The following B4GALNT4 variants were observed in gnomAD, a reference collection of about 807,000 sequenced individuals.
The protein encoded by B4GALNT4 is beta-1,4-N-acetyl-galactosaminyltransferase 4, also known as N-acetyl-beta-glucosaminyl-glycoprotein 4-beta-N-acetylgalactosaminyltransferase 1.
Under a neutral mutation model 110.0 loss-of-function variants are expected in B4GALNT4, and 77 were observed. That is an observed-to-expected ratio of 0.70 (90% CI 0.58 to 0.85). B4GALNT4 has a LOEUF of 0.85. Among genes scored for constraint, B4GALNT4 ranks in the 40% least tolerant of loss-of-function variants. The pLI, the probability that B4GALNT4 is intolerant of heterozygous loss-of-function variation, is 0.00. For synonymous variants in B4GALNT4, 785 were observed against 655.5 expected, an observed-to-expected ratio of 1.20 and a Z score of -3.02; for missense variants, 1,575 against 1,506.0, an observed-to-expected ratio of 1.05 and a Z score of -0.76.
Position 369,690 on chromosome 11 carries a change from G to C in B4GALNT4, c.-114G>C. ...GCACGGCGGACAAAGGACCATGCGG[G>C]GCCGCGGGCGCTGAGCGCGGCGGGG... On this transcript the variant is annotated 5_prime_UTR_variant, in exon 1 of 20. Coordinates refer to ENST00000329962, the MANE Select transcript of B4GALNT4 (RefSeq NM_178537.5). The C allele has an allele frequency of 2.1e-6, 1 of 478,380 alleles. No individual in the cohort carries two copies. The allele number at this position is 478,380 out of a possible 1,614,324, so 29.6% of individuals were successfully genotyped here. A position where few individuals can be genotyped will look rare whatever the true frequency, so the allele number is the denominator to read the frequency against.
chr11:372,752 G>A lies in B4GALNT4; in HGVS notation c.346G>A (p.Glu116Lys), dbSNP rs1182527987. 2 of 1,608,798 alleles carry A rather than the reference G, an allele frequency of 1.2e-6. No homozygotes were observed. Among genetic ancestry groups the A allele is most frequent in the Non-Finnish European group, 1.7e-6 (2 of 1,178,842 alleles). The change falls in exon 3 of 20, where the codon GAG (glutamate) becomes AAG (lysine). Residue 116 changes from glutamate to lysine, a missense_variant and splice_region_variant. By Grantham distance (56) the Glu-to-Lys change is moderately conservative. Coordinates refer to ENST00000329962, the MANE Select transcript of B4GALNT4 (RefSeq NM_178537.5). ...FTHQTPPWRE[E>K]YKGQVNLHVF... Reference sequence around the variant, plus strand: ...CCATCAGACACCCCCATGGCGGGAGGAGGTGAGCTGGCTCGGCCTGTAATG... The same window carrying A: ...CCATCAGACACCCCCATGGCGGGAGAAGGTGAGCTGGCTCGGCCTGTAATG...
chr11:378,100 G>A (rs1203004030), intron 14 of B4GALNT4, among the ~76,000 whole-genome samples: 1 of 152,094 alleles, frequency 6.6e-6, no homozygotes, highest in African/African-American at 2.4e-5. Flanking sequence ...AGGGGCAGAG[G>A]ATGGAGACAG....
At chr11:370,181 C>T (rs1254971920) in intron 1 of B4GALNT4, among the ~76,000 whole-genome samples, 1 of 151,846 alleles carries the variant, frequency 6.6e-6, no homozygotes, top group South Asian at 2.1e-4. Context: ...CGGCTCGGCC[C>T]GGACGCTCGA....
rs1272375784 is a variant in B4GALNT4, at chr11:372,783, G to C, written c.348+29G>C. On this transcript the variant is annotated intron_variant, in intron 3 of 19. Transcript: ENST00000329962. ...AGCTGGCTCGGCCTGTAATGGGCTG[G>C]GAGGCAGGGCGGGGGCTGGGGCGGG... 2.6e-6 allele frequency: 4 copies of C among 1,565,264 alleles called. No individual in the cohort carries two copies. In the African/African-American group the frequency reaches 5.4e-5, roughly 21 times the overall value.
At position 377,385 on chromosome 11, in the gene B4GALNT4, G is replaced by A; in HGVS notation, c.2204+58G>A. The A allele has an allele frequency of 2.1e-6, 3 of 1,433,960 alleles. 1 individual carries two copies. In the South Asian group the frequency reaches 4.4e-5, roughly 21 times the overall value. 88.8% of individuals were successfully genotyped at this position (1,433,960 alleles called of 1,614,324 possible). ...TTTTGGAGGCGGGGACAGCCGGGGA[G>A]AGGAGGTCCTGGCCTTGGCGGACTC... On this transcript the variant is annotated intron_variant, in intron 14 of 19. Transcript: ENST00000329962.
At position 376,512 on chromosome 11, in the gene B4GALNT4, C is replaced by A. The variant is rs779049233; in HGVS notation, c.1389C>A (p.Ala463=). The A allele has an allele frequency of 6.7e-7, 1 of 1,500,108 alleles. No homozygotes were observed. The highest frequency in any genetic ancestry group is 8.8e-7 in the Non-Finnish European group (1 of 1,130,894). 92.9% of individuals were successfully genotyped at this position (1,500,108 alleles called of 1,614,324 possible). The part of the protein sequence containing the change: ...APPRSGPQSP[A]PAAPAQPGAT... The stretch of plus-strand genomic sequence containing the variant: ...CCAGGAGCGGCCCCCAGTCCCCCGC[C>A]CCAGCAGCCCCCGCCCAGCCCGGAG... Residue 463 remains alanine, a synonymous_variant, in exon 14 of 20, where the codon GCC becomes GCA. Coordinates refer to ENST00000329962, the MANE Select transcript of B4GALNT4 (RefSeq NM_178537.5).
Position 371,984 on chromosome 11 carries a change from G to C in B4GALNT4, c.152-125G>C, listed in dbSNP as rs558896623. On this transcript the variant is annotated intron_variant, in intron 1 of 19. Transcript: ENST00000329962. ...AGATGAGAAGGAGAGGCTTTAGTGA[G>C]AGACACCACAGCCTGCCTGCCCTGC... The C allele has an allele frequency of 4.3e-6, 3 of 701,308 alleles. No homozygotes were observed. In the South Asian group the frequency reaches 5.2e-5, roughly 12 times the overall value. The allele number at this position is 701,308 out of a possible 1,614,324, so 43.4% of individuals were successfully genotyped here. A position where few individuals can be genotyped will look rare whatever the true frequency, so the allele number is the denominator to read the frequency against.
In B4GALNT4 at chr11:377,193, C is replaced by T. The variant is rs766399071; in HGVS notation, c.2070C>T (p.Ala690=). Reference sequence around the variant, plus strand: ...GGCAGCGCACGTTCAGCGTGGGCGCCGTGGACTTCGAGCTGCTGCGCTCGG... The same window carrying T: ...GGCAGCGCACGTTCAGCGTGGGCGCTGTGGACTTCGAGCTGCTGCGCTCGG... ...IDWQRTFSVG[A]VDFELLRSDW... is the part of the protein sequence containing the mutation. Residue 690 remains alanine (A), a synonymous_variant, in exon 14 of 20, where the codon GCC becomes GCT. Coordinates refer to ENST00000329962, the MANE Select transcript of B4GALNT4 (RefSeq NM_178537.5). The T allele has an allele frequency of 3.0e-5, 47 of 1,587,866 alleles. No individual in the cohort carries two copies. The East Asian group carries it at 9.2e-4, about 31-fold the overall frequency.
intron 19 of B4GALNT4, 198 bp downstream of exon 19, chr11:381,149 G>C (rs1267597810): frequency 1.0e-6 from 1 of 984,984 alleles, no homozygotes; most frequent in Non-Finnish European, 1.2e-6. Context: ...CACCCCCAGG[G>C]TCCTGCAAGG....
Position 376,972 on chromosome 11 carries a change from A to G in B4GALNT4, c.1849A>G (p.Asn617Asp). Reference sequence around the variant, plus strand: ...ACCTGCGGCGCCCACAGTGGACTCAAACTTGTCCTCCGAAGCGCGGCCCGT... The same window carrying G: ...ACCTGCGGCGCCCACAGTGGACTCAGACTTGTCCTCCGAAGCGCGGCCCGT... ...LGPAAPTVDS[N>D]LSSEARPVTS... The change falls in exon 14 of 20, where the codon AAC (asparagine) becomes GAC (aspartate). Residue 617 changes from asparagine to aspartate, a missense_variant. Coordinates refer to ENST00000329962, the MANE Select transcript of B4GALNT4 (RefSeq NM_178537.5). The G allele has an allele frequency of 6.9e-7, 1 of 1,458,388 alleles. No individual in the cohort carries two copies. The highest frequency in any genetic ancestry group is 9.0e-7 in the Non-Finnish European group (1 of 1,110,868). 90.3% of individuals were successfully genotyped at this position (1,458,388 alleles called of 1,614,324 possible).
Position 381,924 on chromosome 11 carries a change from C to A in B4GALNT4, c.*132C>A. 1 of 1,133,214 alleles carries A rather than the reference C, an allele frequency of 8.8e-7. No homozygotes were observed. Among genetic ancestry groups the A allele is most frequent in the Non-Finnish European group, 1.2e-6 (1 of 858,502 alleles). The allele number at this position is 1,133,214 out of a possible 1,614,324, so 70.2% of individuals were successfully genotyped here. On this transcript the variant is annotated 3_prime_UTR_variant, in exon 20 of 20. Transcript: ENST00000329962. ...AGCCACCGCCTGTGCCTGCCCCTCTCTGGCCCACTGGGCGTCGTGCCCCTC... is the reference window on the plus strand; with the variant it reads ...AGCCACCGCCTGTGCCTGCCCCTCTATGGCCCACTGGGCGTCGTGCCCCTC...
rs1846579707 is a variant in B4GALNT4, at chr11:369,967, G to GGGCGCGGGGGGCGCGGGGGGCGCGGGC, written c.151+35_151+36insCGGGCGGCGCGGGGGGCGCGGGGGGCG. ...GGCTACGGGCGAGGTACGGCGCGGG[G>GGGCGCGGGGGGCGCGGGGGGCGCGGGC]GGCGCGGGGGGCGCGGGGGGCGGGG... On this transcript the variant is annotated intron_variant, in intron 1 of 19. Coordinates refer to ENST00000329962, the MANE Select transcript of B4GALNT4 (RefSeq NM_178537.5). 1 of 586,754 alleles carries GGGCGCGGGGGGCGCGGGGGGCGCGGGC rather than the reference G, an allele frequency of 1.7e-6. No individual in the cohort carries two copies. The highest frequency in any genetic ancestry group is 7.4e-5 in the Admixed American group (1 of 13,430). 36.3% of individuals were successfully genotyped at this position (586,754 alleles called of 1,614,324 possible).
Position 381,757 on chromosome 11 carries a change from C to G in B4GALNT4, c.3085C>G (p.Arg1029Gly). The stretch of plus-strand genomic sequence containing the variant: ...CTCCAAGAGGGGCATGTGGAGCGTC[C>G]GCAGCAGGAAGGGCTCTCGCACGGG... Reference protein sequence around the residue: ...YHSKRGMWSVRSRKGSRTGAS With the variant: ...YHSKRGMWSVGSRKGSRTGAS Residue 1029 changes from arginine to glycine, a missense_variant, in exon 20 of 20, where the codon CGC (arginine) becomes GGC (glycine). Transcript: ENST00000329962. 6.3e-7 allele frequency: 1 copy of G among 1,585,316 alleles called. No homozygotes were observed. The highest frequency in any genetic ancestry group is 8.6e-7 in the Non-Finnish European group (1 of 1,169,086).
rs889229611 is a variant in B4GALNT4 at position 377,256 on chromosome 11, G to A, written c.2133G>A (p.Leu711=). The change falls in exon 14 of 20, where the codon CTG becomes CTA. Residue 711 remains leucine (L), a synonymous_variant. Coordinates refer to ENST00000329962, the MANE Select transcript of B4GALNT4 (RefSeq NM_178537.5). ...TGCGATGCAACGTTTCGGGGAACCTGCAGCTGCCGGAGGCGGAGGCCGTGG... is the reference window on the plus strand; with the variant it reads ...TGCGATGCAACGTTTCGGGGAACCTACAGCTGCCGGAGGCGGAGGCCGTGG... ...NDLRCNVSGN[L]QLPEAEAVDV... The A allele has an allele frequency of 3.1e-6, 5 of 1,596,688 alleles. No individual in the cohort carries two copies. In the African/African-American group the frequency reaches 4.0e-5, roughly 13 times the overall value.
Position 373,847 on chromosome 11 carries a change from TG to T in B4GALNT4, c.783+24del. 1 of 1,609,742 alleles carries T rather than the reference TG, an allele frequency of 6.2e-7. No individual in the cohort carries two copies. Among genetic ancestry groups the T allele is most frequent in the Non-Finnish European group, 8.5e-7 (1 of 1,179,040 alleles). On this transcript the variant is annotated intron_variant, in intron 8 of 19. Coordinates refer to ENST00000329962, the MANE Select transcript of B4GALNT4 (RefSeq NM_178537.5). ...AGTGGGCGTGAGTGCCTTCCTCCCC[TG>T]GGGGCTTCTGGAGACTCCACTCCCC...
chr11:374,298 A>G (rs973285549), intron 8 of B4GALNT4, among the ~76,000 whole-genome samples: 1 of 151,422 alleles, frequency 6.6e-6, no homozygotes, highest in African/African-American at 2.4e-5. Flanking sequence ...TGGGGGAAGG[A>G]TTTTTACTGT....
At position 381,979 on chromosome 11, in the gene B4GALNT4, G is replaced by T; in HGVS notation, c.*187G>T. The T allele has an allele frequency of 1.7e-6, 1 of 600,982 alleles. No homozygotes were observed. 37.2% of individuals were successfully genotyped at this position (600,982 alleles called of 1,614,324 possible). A position where few individuals can be genotyped will look rare whatever the true frequency, so the allele number is the denominator to read the frequency against. On this transcript the variant is annotated 3_prime_UTR_variant, in exon 20 of 20. Transcript: ENST00000329962. Reference sequence around the variant, plus strand: ...GAGAGGCAGCCTTCACGGCGGGTCAGGGCCTGGCCTTGGTCCCCACTCTGC... The same window carrying T: ...GAGAGGCAGCCTTCACGGCGGGTCATGGCCTGGCCTTGGTCCCCACTCTGC...
At chr11:373,411 C>CA (rs755361893) in intron 6 of B4GALNT4, 38 bp from the exon 7 acceptor site, 1 of 1,033,982 alleles carries the variant, frequency 9.7e-7, no homozygotes, top group Non-Finnish European at 1.4e-6. Context: ...AGAGTGAACC[C>CA]CCCCCCCCAC....
At chr11:370,821 G>A (rs1846604172) in intron 1 of B4GALNT4, among the ~76,000 whole-genome samples, 1 of 151,766 alleles carries the variant, frequency 6.6e-6, no homozygotes, top group African/African-American at 2.4e-5. Flanking sequence ...CAATGATACT[G>A]GCTGGGGACT....
Sources: gnomAD v4.1 joint callset for allele counts (sites outside exome capture counted in the v4.1 genomes callset) on GRCh38, gnomAD v4.1.1 for gene constraint, MANE v1.5 for transcripts, NCBI Gene and HGNC (gene_info 2026-07-23, HGNC 2026-07-21) for gene names.